The following TMEM170A variants were observed in gnomAD, a reference collection of about 807,000 sequenced individuals.
The protein encoded by TMEM170A is transmembrane protein 170A, also known as transmembrane protein 170.
TMEM170A carries 18 observed loss-of-function variants against 12.8 expected under a neutral mutation model. That is an observed-to-expected ratio of 1.41 (90% CI 0.97 to 2.09). TMEM170A has a LOEUF of 2.09. Among genes scored for constraint, TMEM170A ranks in the 30% most tolerant of loss-of-function variants. The pLI is 0.00. For missense variants in TMEM170A, 220 were observed against 179.9 expected (o/e 1.22, Z -1.28); for synonymous variants, 107 against 76.2 (o/e 1.40, Z -2.11).
At chr16:75,449,874 T>A (rs1483708975) in intron 2 of TMEM170A, among the ~76,000 whole-genome samples, 1 of 151,990 alleles carries the variant, frequency 6.6e-6, no homozygotes, top group Non-Finnish European at 1.5e-5. Flanking sequence ...GGGATTGGGA[T>A]AATGAAGCGA....
intron 1 of TMEM170A, chr16:75,464,237 G>A (rs980841236): frequency 3.1e-5 from 46 of 1,502,756 alleles, no homozygotes; most frequent in Non-Finnish European, 4.0e-5. Flanking sequence ...CCCACCTGCG[G>A]CCGCTCTCTG....
Position 75,444,074 on chromosome 16 carries a change from C to G in TMEM170A, c.*3484G>C, listed in dbSNP as rs1884929453. ...CTGCACTCCAGCCTTGGAGACAGAG[C>G]AAGACTCCATTTCAAAAAAAAAAGA... On this transcript the variant is annotated 3_prime_UTR_variant, in exon 3 of 3. Transcript: ENST00000561878. 6.7e-6 allele frequency: 1 copy of G among 150,244 alleles called. No individual in the cohort carries two copies. Among genetic ancestry groups the G allele is most frequent in the Non-Finnish European group, 1.5e-5 (1 of 67,700 alleles). The allele number at this position is 150,244 out of a possible 1,614,324, so 9.3% of individuals were successfully genotyped here. A position where few individuals can be genotyped will look rare whatever the true frequency, so the allele number is the denominator to read the frequency against.
rs1555572222 is a variant in TMEM170A, at chr16:75,451,832, C to CCT, written c.140_141insAG (p.Trp47Ter). The CCT allele has an allele frequency of 6.2e-7, 1 of 1,611,300 alleles. No homozygotes were observed. Among genetic ancestry groups the CCT allele is most frequent in the Non-Finnish European group, 8.5e-7 (1 of 1,178,472 alleles). The change falls in exon 2 of 3, where the codon TGG becomes TGAGG. Residue 47 changes from tryptophan to a stop codon, truncating the protein, a stop_gained and frameshift_variant. Coordinates refer to ENST00000561878, the MANE Select transcript of TMEM170A (RefSeq NM_145254.3). LOFTEE classifies it high-confidence loss of function. ...STSLCSFPEM[W>*]YGVFLWALVS... ...CCAGTGCCCACAGGAATACACCATA[C>CCT]CACATCTCTATGAGGGAAGACAAAG...
chr16:75,458,696 G>C (rs2079843631), intron 1 of TMEM170A: 1 of 152,154 alleles, frequency 6.6e-6, no homozygotes, highest in Non-Finnish European at 1.5e-5. Context: ...AATCTGTATG[G>C]CTTTAAGCTG....
At chr16:75,464,135 G>A in intron 1 of TMEM170A, 2 of 1,312,356 alleles carry the variant, frequency 1.5e-6, no homozygotes, top group Non-Finnish European at 2.1e-6. Context: ...ACAGCCTCCC[G>A]GGCTCGTGGG....
At chr16:75,450,180 CAAAAAA>C (rs34044750) in intron 2 of TMEM170A, among the ~76,000 whole-genome samples, 1 of 116,284 alleles carries the variant, frequency 8.6e-6, no homozygotes, top group Non-Finnish European at 1.8e-5. Context: ...CACTTTCTCT[CAAAAAA>C]AAAAAAAAAA....
At chr16:75,455,226 G>A (rs934242209) in intron 1 of TMEM170A, among the ~76,000 whole-genome samples, 3 of 151,820 alleles carry the variant, frequency 2.0e-5, no homozygotes, top group Non-Finnish European at 2.9e-5. Context: ...GCAAGGCAGC[G>A]GGCACCTGTA....
rs2079530919 is a variant in TMEM170A, at chr16:75,443,197, G to T, written c.*4361C>A. 1 of 152,112 alleles carries T rather than the reference G, an allele frequency of 6.6e-6. No individual in the cohort carries two copies. Among genetic ancestry groups the T allele is most frequent in the Non-Finnish European group, 1.5e-5 (1 of 68,020 alleles). The allele number at this position is 152,112 out of a possible 1,614,324, so 9.4% of individuals were successfully genotyped here. On this transcript the variant is annotated 3_prime_UTR_variant, in exon 3 of 3. Transcript: ENST00000561878. ...AACTGAAGTCAATTTTATTACAAAA[G>T]ATTAAACTCATTAGCCACCAAAAAG...
chr16:75,444,609 T>C lies in TMEM170A; in HGVS notation c.*2949A>G, dbSNP rs2079553473. The C allele has an allele frequency of 1.3e-5, 2 of 152,308 alleles. No homozygotes were observed. Among genetic ancestry groups the C allele is most frequent in the South Asian group, 2.1e-4 (1 of 4,824 alleles). The allele number at this position is 152,308 out of a possible 1,614,324, so 9.4% of individuals were successfully genotyped here. A position where few individuals can be genotyped will look rare whatever the true frequency, so the allele number is the denominator to read the frequency against. On this transcript the variant is annotated 3_prime_UTR_variant, in exon 3 of 3. Coordinates refer to ENST00000561878, the MANE Select transcript of TMEM170A (RefSeq NM_145254.3). ...GAGTGACCACCCCCAAATAATTCTA[T>C]ATTTGAGACATAAAAAAGAAAATCA...
At chr16:75,455,015 G>T (rs533571454) in intron 1 of TMEM170A, among the ~76,000 whole-genome samples, 4 of 152,254 alleles carry the variant, frequency 2.6e-5, no homozygotes, top group Middle Eastern at 3.4e-3. Flanking sequence ...GCAGAATTTG[G>T]AAAACACATT....
intron 2 of TMEM170A, among the ~76,000 whole-genome samples, chr16:75,447,908 C>A (rs2079616122): frequency 6.6e-6 from 1 of 152,110 alleles, no homozygotes; most frequent in South Asian, 2.1e-4. Context: ...TAGATGCTGA[C>A]TCCTTAAAAC....
At chr16:75,453,633 T>C (rs1007263863) in intron 1 of TMEM170A, among the ~76,000 whole-genome samples, 1 of 152,188 alleles carries the variant, frequency 6.6e-6, no homozygotes. Flanking sequence ...GCAGTAAATA[T>C]CAAGCCATCA....
At chr16:75,464,422 C>G (rs37596) in intron 1 of TMEM170A, 46 bp downstream of exon 1, 2 of 1,397,304 alleles carry the variant, frequency 1.4e-6, no homozygotes, top group East Asian at 6.2e-5. Flanking sequence ...AGCACGGCAG[C>G]GGCGACGGCG....
intron 1 of TMEM170A, among the ~76,000 whole-genome samples, chr16:75,460,325 TTTAAAAAGTCAGAATCATCCCATCTCTG>T (rs989602323): frequency 3.9e-5 from 6 of 152,302 alleles, no homozygotes; most frequent in African/African-American, 1.4e-4. Context: ...TGTACACTTT[TTTAAAAAGTCAGAATCATCCCATCTCTG>T]TTCAAAATTC....
intron 1 of TMEM170A, among the ~76,000 whole-genome samples, chr16:75,453,323 ACT>A (rs746166847): frequency 8.5e-5 from 13 of 152,222 alleles, no homozygotes; most frequent in Non-Finnish European, 1.8e-4. Flanking sequence ...AGTCCTAGCT[ACT>A]CGAGAGGCTG....
intron 1 of TMEM170A, among the ~76,000 whole-genome samples, chr16:75,461,255 C>A (rs1188436546): frequency 6.7e-6 from 1 of 148,982 alleles, no homozygotes; most frequent in Admixed American, 6.6e-5. Flanking sequence ...GGTGTCACCA[C>A]GTTGGCCAGG....
intron 1 of TMEM170A, among the ~76,000 whole-genome samples, chr16:75,458,072 G>A (rs2079831581): frequency 6.6e-6 from 1 of 152,044 alleles, no homozygotes; most frequent in Non-Finnish European, 1.5e-5. Flanking sequence ...GCTATTTATC[G>A]ATTGTCATAC....
intron 1 of TMEM170A, among the ~76,000 whole-genome samples, chr16:75,460,545 C>T (rs2079884998): frequency 1.3e-5 from 2 of 152,182 alleles, no homozygotes; most frequent in African/African-American, 4.8e-5. Context: ...GCTCATTACT[C>T]ACTTTCTTCA....
At chr16:75,462,857 T>C (rs1363731678) in intron 1 of TMEM170A, among the ~76,000 whole-genome samples, 1 of 152,238 alleles carries the variant, frequency 6.6e-6, no homozygotes, top group East Asian at 1.9e-4. Flanking sequence ...CATTATTCTA[T>C]GATGTTCAGT....
Sources: gnomAD v4.1 joint callset for allele counts (sites outside exome capture counted in the v4.1 genomes callset) on GRCh38, gnomAD v4.1.1 for gene constraint, MANE v1.5 for transcripts, NCBI Gene and HGNC (gene_info 2026-07-23, HGNC 2026-07-21) for gene names.